The following KCNIP4 variants were observed in gnomAD, a reference collection of about 807,000 sequenced individuals.
The protein encoded by KCNIP4 is Kv channel-interacting protein 4.
In KCNIP4, 12 loss-of-function variants were observed where a neutral mutation model predicts 34.0. The observed-to-expected ratio is 0.35, with a 90% CI of 0.23 to 0.57. The LOEUF is 0.57. Ranked by LOEUF, KCNIP4 falls within the 20% of genes least tolerant of loss-of-function variation. KCNIP4 has a pLI of 0.83. For missense variants in KCNIP4, 238 were observed against 311.7 expected, an observed-to-expected ratio of 0.76 and a Z score of 1.78; for synonymous variants, 124 against 102.2, an observed-to-expected ratio of 1.21 and a Z score of -1.29.
At chr4:21,585,005 T>C (rs1375163177) in intron 1 of KCNIP4, among the ~76,000 whole-genome samples, 1 of 152,090 alleles carries the variant, frequency 6.6e-6, no homozygotes, top group East Asian at 1.9e-4. Flanking sequence ...AAGGCAAAAA[T>C]AGCAGTTGAA....
At chr4:21,448,460 C>T (rs567547478) in intron 1 of KCNIP4, among the ~76,000 whole-genome samples, 3 of 152,182 alleles carry the variant, frequency 2.0e-5, no homozygotes, top group African/African-American at 7.2e-5. Flanking sequence ...AACTTATAAA[C>T]TATAAACTTA....
chr4:21,224,835 C>T (rs983501288), intron 1 of KCNIP4, among the ~76,000 whole-genome samples: 22 of 152,046 alleles, frequency 1.4e-4, no homozygotes, highest in Non-Finnish European at 2.9e-4. Flanking sequence ...GATCCACCCT[C>T]CTTGGCCTAC....
intron 1 of KCNIP4, among the ~76,000 whole-genome samples, chr4:21,142,313 G>T (rs925110735): frequency 3.9e-5 from 6 of 152,234 alleles, no homozygotes; most frequent in African/African-American, 1.4e-4. Context: ...AAATGAAAAA[G>T]AGCTTAGGCC....
chr4:20,966,817 T>C (rs1734392387), intron 1 of KCNIP4, among the ~76,000 whole-genome samples: 1 of 152,194 alleles, frequency 6.6e-6, no homozygotes, highest in African/African-American at 2.4e-5. Context: ...GTTACAATAC[T>C]AGGCACTTTT....
chr4:20,821,181 A>G (rs1717063836), intron 3 of KCNIP4, among the ~76,000 whole-genome samples: 1 of 152,206 alleles, frequency 6.6e-6, no homozygotes, highest in Non-Finnish European at 1.5e-5. Context: ...CCCACTCAGT[A>G]TGTCAAGAAG....
chr4:21,919,776 A>G (rs1560182157), intron 1 of KCNIP4, among the ~76,000 whole-genome samples: 1 of 152,172 alleles, frequency 6.6e-6, no homozygotes, highest in African/African-American at 2.4e-5. Flanking sequence ...TTTATTTTCT[A>G]TACTTAGAAA....
chr4:21,550,680 A>G lies in KCNIP4; in HGVS notation c.61+397891T>C, dbSNP rs1030938834. Among the ~76,000 whole-genome samples, 13 of 152,254 alleles carry G rather than the reference A, an allele frequency of 8.5e-5. 1 individual carries two copies. The highest frequency in any genetic ancestry group is 3.1e-4 in the African/African-American group (13 of 41,558). ...TACTCATAAATTCCAAAGGAAAAAT[A>G]AAGCTGCATATTGCTACCTCTATGA... is the stretch of plus-strand genomic sequence containing the variant. On this transcript the variant is annotated intron_variant, in intron 1 of 8. Coordinates refer to ENST00000382152, the MANE Select transcript of KCNIP4 (RefSeq NM_025221.6).
At chr4:21,259,867 T>C (rs955135915) in intron 1 of KCNIP4, among the ~76,000 whole-genome samples, 18 of 140,120 alleles carry the variant, frequency 1.3e-4, no homozygotes, top group African/African-American at 4.8e-4. Context: ...GATTGAAAGT[T>C]TGGCAAAGCG....
chr4:21,760,967 A>G (rs774016127), intron 1 of KCNIP4, among the ~76,000 whole-genome samples: 3 of 152,168 alleles, frequency 2.0e-5, no homozygotes, highest in Non-Finnish European at 4.4e-5. Context: ...TGAGTCTGAT[A>G]TTTTGCTCAT....
intron 1 of KCNIP4, among the ~76,000 whole-genome samples, chr4:21,210,514 T>C (rs1429149063): frequency 6.6e-6 from 1 of 152,252 alleles, no homozygotes; most frequent in Admixed American, 6.5e-5. Context: ...TCCATTGTCC[T>C]TTTAAAGTTA....
intron 1 of KCNIP4, among the ~76,000 whole-genome samples, chr4:21,453,791 C>T (rs953390839): frequency 6.6e-6 from 1 of 152,248 alleles, no homozygotes. Flanking sequence ...CAATGCCCAT[C>T]TCCTTTCAGC....
At chr4:21,095,505 TACTA>T (rs1306306293) in intron 1 of KCNIP4, among the ~76,000 whole-genome samples, 1 of 152,178 alleles carries the variant, frequency 6.6e-6, no homozygotes, top group Non-Finnish European at 1.5e-5. Flanking sequence ...TAAAAACACA[TACTA>T]ATTAAGTAGA....
intron 1 of KCNIP4, among the ~76,000 whole-genome samples, chr4:21,817,256 T>G (rs1722043040): frequency 6.6e-6 from 1 of 152,278 alleles, no homozygotes; most frequent in African/African-American, 2.4e-5. Context: ...CATTTTAATA[T>G]GGACATTTAT....
chr4:21,774,404 AT>A (rs1719033042), intron 1 of KCNIP4, among the ~76,000 whole-genome samples: 1 of 152,002 alleles, frequency 6.6e-6, no homozygotes, highest in East Asian at 1.9e-4. Context: ...GAATCTGATG[AT>A]TATGTGTCTT....
intron 1 of KCNIP4, among the ~76,000 whole-genome samples, chr4:20,935,853 C>T (rs1358617847): frequency 6.6e-6 from 1 of 151,588 alleles, no homozygotes; most frequent in African/African-American, 2.4e-5. Flanking sequence ...CTATACTCAA[C>T]CAGCTTCTAC....
At chr4:21,066,996 C>T (rs993460444) in intron 1 of KCNIP4, among the ~76,000 whole-genome samples, 2 of 152,086 alleles carry the variant, frequency 1.3e-5, no homozygotes, top group Non-Finnish European at 2.9e-5. Context: ...AGACTCATTC[C>T]TTCTGTTTGA....
In KCNIP4 at chr4:21,534,578, C is replaced by A. The variant is rs144210695; in HGVS notation, c.61+413993G>T. On this transcript the variant is annotated intron_variant, in intron 1 of 8. Coordinates refer to ENST00000382152, the MANE Select transcript of KCNIP4 (RefSeq NM_025221.6). ...AGTTCCTGACCACTACATTATGGTG[C>A]CTTTCTAAGGGATAATGTGACACAG... Among the ~76,000 whole-genome samples, 266 of 152,138 alleles carry A rather than the reference C, an allele frequency of 1.7e-3. 1 individual carries two copies. The highest frequency in any genetic ancestry group is 6.0e-3 in the African/African-American group (251 of 41,514).
intron 1 of KCNIP4, among the ~76,000 whole-genome samples, chr4:20,889,953 A>T (rs1043334964): frequency 6.6e-6 from 1 of 152,132 alleles, no homozygotes; most frequent in African/African-American, 2.4e-5. Flanking sequence ...TGTACATATT[A>T]TAAGCATTAT....
chr4:21,627,366 G>A (rs538344451), intron 1 of KCNIP4, among the ~76,000 whole-genome samples: 8 of 151,654 alleles, frequency 5.3e-5, no homozygotes, highest in East Asian at 1.9e-4. Flanking sequence ...ATTTTTTCCC[G>A]ATCTGTCTTT....
Sources: gnomAD v4.1 joint callset for allele counts (sites outside exome capture counted in the v4.1 genomes callset) on GRCh38, gnomAD v4.1.1 for gene constraint, MANE v1.5 for transcripts, NCBI Gene and HGNC (gene_info 2026-07-23, HGNC 2026-07-21) for gene names.